Variants in DSN1 observed in about 807,000 individuals in gnomAD.
The protein encoded by DSN1 is DSN1 component of MIS12 kinetochore complex.
Under a neutral mutation model 45.7 loss-of-function variants are expected in DSN1, and 31 were observed. That is an observed-to-expected ratio of 0.68 (90% CI 0.51 to 0.92). The LOEUF is 0.92. Among genes scored for constraint, DSN1 ranks in the 40% least tolerant of loss-of-function variants. The pLI is 0.00. For synonymous variants in DSN1, 134 were observed against 142.3 expected, an observed-to-expected ratio of 0.94 and a Z score of 0.41; for missense variants, 394 against 414.2, an observed-to-expected ratio of 0.95 and a Z score of 0.42.
chr20:36,769,902 T>TACAC (rs66970744), intron 3 of DSN1, among the ~76,000 whole-genome samples: 5,070 of 117,118 alleles, frequency 0.043, 159 homozygotes, highest in African/African-American at 0.1. Context: ...TCACTGTAGA[T>TACAC]ACACACACAC....
intron 1 of DSN1, among the ~76,000 whole-genome samples, chr20:36,772,569 C>A (rs1987708980): frequency 6.6e-6 from 1 of 152,206 alleles, no homozygotes; most frequent in South Asian, 2.1e-4. Context: ...GGATTACAGG[C>A]CTGAGCCACC....
Position 36,755,716 on chromosome 20 carries a change from T to C in DSN1, c.839A>G (p.Asn280Ser), listed in dbSNP as rs775740368. The C allele has an allele frequency of 3.1e-6, 5 of 1,614,016 alleles. No individual in the cohort carries two copies. The highest frequency in any genetic ancestry group is 4.2e-6 in the Non-Finnish European group (5 of 1,179,996). The part of the protein sequence containing the change: ...TKPDYQKILQ[N>S]QSKVFDCMEL... ...CATACAGTCAAAGACTTTGCTCTGG[T>C]TCTGTAATATTTTCTGGTAGTCAGG... Residue 280 changes from asparagine to serine, a missense_variant, in exon 9 of 11, where the codon AAC becomes AGC. Coordinates refer to ENST00000373750, the MANE Select transcript of DSN1 (RefSeq NM_001145315.2).
At chr20:36,758,499 T>G in intron 7 of DSN1, 59 bp downstream of exon 7, 1 of 1,438,182 alleles carries the variant, frequency 7.0e-7, no homozygotes, top group Non-Finnish European at 9.6e-7. Context: ...TTTTTCCAAG[T>G]TAGTTAATTT....
At chr20:36,773,632 T>C (rs1987766271) in intron 1 of DSN1, 30 bp downstream of exon 1, 8 of 985,506 alleles carry the variant, frequency 8.1e-6, no homozygotes, top group South Asian at 9.4e-5. Flanking sequence ...TGTGACTTCC[T>C]GACGCCCGTC....
chr20:36,758,508 T>C, intron 7 of DSN1, 50 bp downstream of exon 7: 2 of 1,508,722 alleles, frequency 1.3e-6, no homozygotes, highest in Non-Finnish European at 1.8e-6. Context: ...GTTAGTTAAT[T>C]TCCCCAGATG....
intron 4 of DSN1, among the ~76,000 whole-genome samples, chr20:36,767,423 G>A (rs1987405736): frequency 6.6e-6 from 1 of 152,108 alleles, no homozygotes; most frequent in African/African-American, 2.4e-5. Context: ...CAAATTACCT[G>A]CTTATCTAAA....
intron 3 of DSN1, among the ~76,000 whole-genome samples, chr20:36,769,022 T>G (rs953587654): frequency 2.0e-5 from 3 of 152,248 alleles, no homozygotes; most frequent in African/African-American, 7.2e-5. Context: ...AAGTATCCTA[T>G]GAATTCCATT....
rs1165411825 is a variant in DSN1, at chr20:36,771,146, T to C, written c.82A>G (p.Ser28Gly). 3.1e-6 allele frequency: 5 copies of C among 1,613,824 alleles called. No homozygotes were observed. The highest frequency in any genetic ancestry group is 4.2e-6 in the Non-Finnish European group (5 of 1,179,894). The change falls in exon 3 of 11, where the codon AGT (serine) becomes GGT (glycine). Residue 28 changes from serine (S) to glycine (G), a missense_variant. Physicochemically the swap from Ser to Gly is moderately conservative, Grantham distance 56. Coordinates refer to ENST00000373750, the MANE Select transcript of DSN1 (RefSeq NM_001145315.2). ...SKTHDHQLES[S>G]LSPVEVFAKT... ...GCAAACACTTCCACAGGACTGAGACTTGATTCCAATTGATGATCATGAGTC... is the reference window on the plus strand; with the variant it reads ...GCAAACACTTCCACAGGACTGAGACCTGATTCCAATTGATGATCATGAGTC...
At chr20:36,753,388 A>C (rs1436888041) in intron 10 of DSN1, among the ~76,000 whole-genome samples, 4 of 151,170 alleles carry the variant, frequency 2.6e-5, no homozygotes, top group African/African-American at 9.7e-5. Context: ...CTGTAATCCC[A>C]ACACTTTGGA....
chr20:36,754,757 G>A lies in DSN1; in HGVS notation c.961+6C>T, dbSNP rs1428584613. The A allele has an allele frequency of 6.2e-7, 1 of 1,613,218 alleles. No homozygotes were observed. ...GAACTCTGGTCCCCTCAAGAGACAA[G>A]CTTACCGAGCTGTACTGACACCTTC... On this transcript the variant is annotated splice_donor_region_variant and intron_variant, in intron 10 of 10. Transcript: ENST00000373750.
chr20:36,753,635 C>CAAAAAAAAAAA (rs1290145844), intron 10 of DSN1, among the ~76,000 whole-genome samples: 1 of 49,888 alleles, frequency 2.0e-5, no homozygotes, highest in Non-Finnish European at 4.2e-5. Context: ...GAGACTGTCT[C>CAAAAAAAAAAA]AAAAAAAAAA....
intron 1 of DSN1, among the ~76,000 whole-genome samples, chr20:36,772,327 C>T (rs892494383): frequency 1.3e-5 from 2 of 150,560 alleles, no homozygotes; most frequent in East Asian, 3.9e-4. Flanking sequence ...CTCACTCTGT[C>T]GCCAAGGCTG....
chr20:36,769,902 T>TACACAC lies in DSN1; in HGVS notation c.355+965_355+970dup, dbSNP rs66970744. On this transcript the variant is annotated intron_variant, in intron 3 of 10. Transcript: ENST00000373750. ...CCTAAAAACTGTTTTTCACTGTAGA[T>TACACAC]ACACACACACACACACACACACACA... Among the ~76,000 whole-genome samples, 781 of 117,284 alleles carry TACACAC rather than the reference T, an allele frequency of 6.7e-3. 8 individuals carry two copies. Among genetic ancestry groups the TACACAC allele is most frequent in the African/African-American group, 0.019 (513 of 26,942 alleles). 76.9% of individuals were successfully genotyped at this position (117,284 alleles called of 152,430 possible).
Position 36,758,113 on chromosome 20 carries a change from C to A in DSN1, c.699G>T (p.Gln233His). Residue 233 changes from glutamine to histidine, a missense_variant, in exon 8 of 11, where the codon CAG becomes CAT. By Grantham distance (24) the Gln-to-His change is conservative (BLOSUM62 0). Coordinates refer to ENST00000373750, the MANE Select transcript of DSN1 (RefSeq NM_001145315.2). ...QTWDQLLLHY[Q>H]QEAKEILSRG... ...TGGACAATATCTCTTTAGCCTCCTG[C>A]TGGTAGTGAAGCAAGAGCTGATCCC... is the stretch of plus-strand genomic sequence containing the variant. 1 of 1,614,034 alleles carries A rather than the reference C, an allele frequency of 6.2e-7. No homozygotes were observed. Among genetic ancestry groups the A allele is most frequent in the Non-Finnish European group, 8.5e-7 (1 of 1,179,980 alleles).
chr20:36,773,409 C>G, intron 1 of DSN1: 1 of 985,554 alleles, frequency 1.0e-6, no homozygotes, highest in Non-Finnish European at 1.2e-6. Context: ...TTTCTGGAGC[C>G]TAGACCCCTG....
chr20:36,761,806 G>A (rs1382293911), intron 6 of DSN1, among the ~76,000 whole-genome samples: 1 of 151,834 alleles, frequency 6.6e-6, no homozygotes, highest in African/African-American at 2.4e-5. Context: ...AGACCAGCCT[G>A]GCCAGCATGG....
At chr20:36,752,990 AG>A in intron 10 of DSN1, 93 bp from the exon 11 acceptor site, 1 of 994,996 alleles carries the variant, frequency 1.0e-6, no homozygotes, top group Non-Finnish European at 1.6e-6. Flanking sequence ...CACACATGGA[AG>A]GGCATTACAA....
chr20:36,758,238 TGA>T, intron 7 of DSN1, 77 bp from the exon 8 acceptor site: 7 of 1,346,098 alleles, frequency 5.2e-6, no homozygotes, highest in Non-Finnish European at 7.3e-6. Flanking sequence ...AATAAGTATG[TGA>T]GGTGTACAAT....
At chr20:36,755,948 A>C in intron 8 of DSN1, 119 bp from the exon 9 acceptor site, 18 of 1,159,732 alleles carry the variant, frequency 1.6e-5, no homozygotes, top group Non-Finnish European at 2.2e-5. Context: ...CTATAGGCTC[A>C]CTTCTTAACA....
Sources: gnomAD v4.1 joint callset for allele counts (sites outside exome capture counted in the v4.1 genomes callset) on GRCh38, gnomAD v4.1.1 for gene constraint, MANE v1.5 for transcripts, NCBI Gene and HGNC (gene_info 2026-07-23, HGNC 2026-07-21) for gene names.